EP400: variants seen among roughly 807,000 people sequenced by gnomAD.
EP400 encodes E1A-binding protein p400.
EP400 carries 105 observed loss-of-function variants against 354.1 expected under a neutral mutation model. The observed-to-expected ratio is 0.30, with a 90% confidence interval of 0.25 to 0.35. EP400 has a LOEUF of 0.35. EP400 is among the 10% of genes least tolerant of loss of function. EP400 has a pLI of 1.00. For synonymous variants in EP400, 1,646 were observed against 1,716.9 expected (o/e 0.96, Z 1.02); for missense variants, 3,280 against 4,121.0 (o/e 0.80, Z 5.59).
Position 132,052,213 on chromosome 12 carries a change from T to C in EP400, c.7395-933T>C, listed in dbSNP as rs1895315082. On this transcript the variant is annotated intron_variant, in intron 41 of 52. Coordinates refer to ENST00000389561, the MANE Select transcript of EP400 (RefSeq NM_015409.5). This position sits in a 1 kb window ranked among gnomAD's most constrained non-coding sequence, Gnocchi z 4.4. ...TATTATACTGGAACAGCTCGTGTCC[T>C]TGGTCTCTTGCCTCGGCACCTGAGT... Among the ~76,000 whole-genome samples, 1 of 152,268 alleles carries C rather than the reference T, an allele frequency of 6.6e-6. No homozygotes were observed. The highest frequency in any genetic ancestry group is 2.4e-5 in the African/African-American group (1 of 41,472).
chr12:131,977,176 A>C (rs7298979), intron 2 of EP400, among the ~76,000 whole-genome samples: 1 of 151,412 alleles, frequency 6.6e-6, no homozygotes, highest in South Asian at 2.1e-4. Context: ...TCGCTCTTTC[A>C]CCCAGGTTGG....
intron 52 of EP400, among the ~76,000 whole-genome samples, chr12:132,076,925 G>A (rs556340206): frequency 1.3e-5 from 2 of 152,344 alleles, no homozygotes; most frequent in Admixed American, 6.5e-5. Context: ...CTCGGGGCCC[G>A]CCCTTGAGCA....
rs964855164 is a variant in EP400, at chr12:132,017,907, C to T, written c.4110+186C>T. On this transcript the variant is annotated intron_variant, in intron 20 of 52. Coordinates refer to ENST00000389561, the MANE Select transcript of EP400 (RefSeq NM_015409.5). The surrounding 1 kb of genome is among the most constrained non-coding windows in gnomAD (Gnocchi z 5.0). Reference sequence around the variant, plus strand: ...ACCCCTTGCCGGAGTGTTCCACCTCCGGAAATTTACCCGAGGGAGACAGGC... The same window carrying T: ...ACCCCTTGCCGGAGTGTTCCACCTCTGGAAATTTACCCGAGGGAGACAGGC... Among the ~76,000 whole-genome samples the T allele has an allele frequency of 1.3e-5, 2 of 152,196 alleles. No individual in the cohort carries two copies. The highest frequency in any genetic ancestry group is 2.9e-5 in the Non-Finnish European group (2 of 68,034).
chr12:131,973,422 A>G (rs1195255402), intron 2 of EP400, among the ~76,000 whole-genome samples: 1 of 152,158 alleles, frequency 6.6e-6, no homozygotes, highest in Non-Finnish European at 1.5e-5. Flanking sequence ...TGGGCAGATC[A>G]CTTGAGGCCA....
At chr12:132,065,020 G>A in intron 48 of EP400, 134 bp downstream of exon 48, 5 of 1,441,086 alleles carry the variant, frequency 3.5e-6, no homozygotes, top group African/African-American at 1.4e-5. Flanking sequence ...CGAGAACTTA[G>A]TACCCCTTGG....
intron 12 of EP400, among the ~76,000 whole-genome samples, chr12:132,004,206 G>C (rs1437056115): frequency 6.6e-6 from 1 of 152,180 alleles, no homozygotes; most frequent in Non-Finnish European, 1.5e-5. Context: ...GCAGCATGTG[G>C]GAGTATCTAA....
intron 32 of EP400, among the ~76,000 whole-genome samples, chr12:132,042,181 C>T (rs1391739705): frequency 6.6e-6 from 1 of 152,144 alleles, no homozygotes; most frequent in Non-Finnish European, 1.5e-5. Context: ...GAACCTCTGA[C>T]CTCAGGTGAT....
intron 1 of EP400, among the ~76,000 whole-genome samples, chr12:131,958,549 T>C (rs1891778934): frequency 6.6e-6 from 1 of 152,358 alleles, no homozygotes; most frequent in South Asian, 2.1e-4. Context: ...AAGAGCCTTA[T>C]ACGTTTTGTA....
chr12:132,007,461 C>G (rs554444972), intron 15 of EP400, among the ~76,000 whole-genome samples: 1 of 151,624 alleles, frequency 6.6e-6, no homozygotes, highest in African/African-American at 2.4e-5. Flanking sequence ...CTAGCTGGTA[C>G]ACAGCTTGTG....
At chr12:131,963,487 T>C in intron 2 of EP400, 1 of 1,444,914 alleles carries the variant, frequency 6.9e-7, no homozygotes, top group Non-Finnish European at 9.6e-7. Flanking sequence ...TTTGAGCAGT[T>C]GTAAAAATTA....
At chr12:132,056,280 T>C (rs1895512981) in intron 45 of EP400, among the ~76,000 whole-genome samples, 3 of 152,090 alleles carry the variant, frequency 2.0e-5, no homozygotes. Flanking sequence ...TAGAATGTAG[T>C]CTCTCTTGGG....
chr12:132,059,425 C>T (rs1320755390), intron 45 of EP400, among the ~76,000 whole-genome samples: 1 of 151,790 alleles, frequency 6.6e-6, no homozygotes, highest in Non-Finnish European at 1.5e-5. Context: ...GTCGATATTA[C>T]CTTAAAAGTG....
intron 1 of EP400, among the ~76,000 whole-genome samples, chr12:131,951,943 C>CTT (rs747111097): frequency 7.7e-5 from 11 of 143,392 alleles, no homozygotes; most frequent in Non-Finnish European, 1.4e-4. Context: ...CACCTGCCTA[C>CTT]TTTTTTTTTT....
Position 132,044,672 on chromosome 12 carries a change from A to G in EP400, c.6587A>G (p.Glu2196Gly), listed in dbSNP as rs1895024394. 3.7e-6 allele frequency: 6 copies of G among 1,614,174 alleles called. No homozygotes were observed. The highest frequency in any genetic ancestry group is 4.5e-5 in the East Asian group (2 of 44,888). Reference sequence around the variant, plus strand: ...CAGAGCTTGCCGTGTTCCCTACAGGAGTATGTCTACGAAGATGTCGATGGG... The same window carrying G: ...CAGAGCTTGCCGTGTTCCCTACAGGGGTATGTCTACGAAGATGTCGATGGG... ...TYTREDAYSM[E>G]YVYEDVDGQT... Residue 2196 changes from glutamate (E) to glycine (G), a missense_variant and splice_region_variant, in exon 36 of 53, where the codon GAG becomes GGG. By Grantham distance (98) the Glu-to-Gly change is moderately conservative. This residue lies in a region of EP400 where 231 missense variants were observed against 257.9 expected (regional missense o/e 0.90). Coordinates refer to ENST00000389561, the MANE Select transcript of EP400 (RefSeq NM_015409.5).
Position 131,960,914 on chromosome 12 carries a change from C to T in EP400, c.295C>T (p.Pro99Ser), listed in dbSNP as rs770010604. Residue 99 changes from proline to serine, a missense_variant, in exon 2 of 53, where the codon CCC (proline) becomes TCC (serine). Physicochemically the swap from Pro to Ser is moderately conservative, Grantham distance 74. Around this residue, in one of 20 missense-constraint regions of EP400, gnomAD observed 172 missense variants for 242.9 expected, o/e 0.71. Transcript: ENST00000389561. ...ITLAPLPLPS[P>S]TSPGFQFSAQ... Reference sequence around the variant, plus strand: ...ACTGGCCCCACTGCCGCTCCCCAGCCCCACCTCTCCAGGCTTCCAGTTCAG... The same window carrying T: ...ACTGGCCCCACTGCCGCTCCCCAGCTCCACCTCTCCAGGCTTCCAGTTCAG... 20 of 1,613,888 alleles carry T rather than the reference C, an allele frequency of 1.2e-5. No individual in the cohort carries two copies. Among genetic ancestry groups the T allele is most frequent in the Non-Finnish European group, 1.6e-5 (19 of 1,180,010 alleles).
chr12:131,985,180 T>C (rs1248461613), intron 5 of EP400, among the ~76,000 whole-genome samples: 1 of 152,214 alleles, frequency 6.6e-6, no homozygotes, highest in Non-Finnish European at 1.5e-5. Context: ...AAAGAAGCGC[T>C]TTACAAAGTC....
At chr12:132,028,629 A>G (rs914522882) in intron 27 of EP400, among the ~76,000 whole-genome samples, 26 of 152,360 alleles carry the variant, frequency 1.7e-4, no homozygotes, top group African/African-American at 5.3e-4. Flanking sequence ...AAAGAGCCCC[A>G]TGAGTGAGTG....
Position 131,960,925 on chromosome 12 carries a change from A to G in EP400, c.306A>G (p.Pro102=), listed in dbSNP as rs1891859684. ...TGCCGCTCCCCAGCCCCACCTCTCC[A>G]GGCTTCCAGTTCAGCGCTCAGCCTC... is the stretch of plus-strand genomic sequence containing the variant. ...APLPLPSPTS[P]GFQFSAQPRR... is the part of the protein sequence containing the mutation. The change falls in exon 2 of 53, where the codon CCA becomes CCG. Residue 102 remains proline, a synonymous_variant. Transcript: ENST00000389561. The G allele has an allele frequency of 9.9e-6, 16 of 1,613,682 alleles. No homozygotes were observed. Among genetic ancestry groups the G allele is most frequent in the Non-Finnish European group, 1.4e-5 (16 of 1,179,934 alleles).
At chr12:131,982,504 A>T in intron 5 of EP400, 26 bp downstream of exon 5, 1 of 1,568,064 alleles carries the variant, frequency 6.4e-7, no homozygotes, top group Non-Finnish European at 8.7e-7. Flanking sequence ...GAGGAAAAAA[A>T]GAAAATGGTT....
Sources: gnomAD v4.1 joint callset for allele counts (sites outside exome capture counted in the v4.1 genomes callset) on GRCh38, gnomAD v4.1.1 for gene constraint, gnomAD v4.1.1 regional missense constraint, Gnocchi (gnomAD v3.1) non-coding constraint, MANE v1.5 for transcripts, NCBI Gene and HGNC (gene_info 2026-07-23, HGNC 2026-07-21) for gene names.